Variants in GREB1L observed in about 807,000 individuals in gnomAD.
GREB1L encodes the protein GREB1 like retinoic acid receptor coactivator.
In GREB1L, 17 loss-of-function variants were observed where a neutral mutation model predicts 200.8. That is an observed-to-expected ratio of 0.08 (90% CI 0.06 to 0.13). The LOEUF (loss-of-function observed/expected upper bound fraction) is 0.13. GREB1L is among the 10% of genes least tolerant of loss of function. The probability of loss-of-function intolerance (pLI) is 1.00; values close to 1 mark genes in which losing one functional copy is unlikely to be tolerated. For missense variants in GREB1L, 1,657 were observed against 2,367.7 expected, an observed-to-expected ratio of 0.70 and a Z score of 6.23; for synonymous variants, 789 against 893.0, an observed-to-expected ratio of 0.88 and a Z score of 2.08.
At chr18:21,519,923 C>CT (rs796146497) in intron 31 of GREB1L, among the ~76,000 whole-genome samples, 9,638 of 143,756 alleles carry the variant, frequency 0.067, 874 homozygotes, top group African/African-American at 0.2. Flanking sequence ...CATGCACTGT[C>CT]TTTTTTTTTT....
intron 1 of GREB1L, among the ~76,000 whole-genome samples, chr18:21,246,885 C>A (rs986725239): frequency 6.6e-6 from 1 of 152,144 alleles, no homozygotes; most frequent in Non-Finnish European, 1.5e-5. Context: ...GAGGAAAAAT[C>A]AGAGAGAAAA....
At chr18:21,254,814 A>G (rs1244786997) in intron 1 of GREB1L, among the ~76,000 whole-genome samples, 1 of 152,130 alleles carries the variant, frequency 6.6e-6, no homozygotes, top group Non-Finnish European at 1.5e-5. Flanking sequence ...ACCCTCACAC[A>G]GCTTTGACTG....
intron 23 of GREB1L, 139 bp downstream of exon 23, chr18:21,500,781 GC>G: frequency 1.6e-6 from 1 of 641,662 alleles, no homozygotes. Flanking sequence ...AAGATAATGT[GC>G]CCAAGGCCAG....
Position 21,451,005 on chromosome 18 carries a change from C to T in GREB1L, c.1721-18C>T, listed in dbSNP as rs763840883. The T allele has an allele frequency of 6.4e-7, 1 of 1,550,804 alleles. No homozygotes were observed. On this transcript the variant is annotated intron_variant, in intron 12 of 32. Transcript: ENST00000424526. ...TTGTTCTGTTGATGAGTCTTCTCTT[C>T]TCTCCTCCATCCTGCAGGTCAGCAC...
chr18:21,507,904 G>C (rs547299904), intron 25 of GREB1L, among the ~76,000 whole-genome samples: 1 of 152,326 alleles, frequency 6.6e-6, no homozygotes, highest in East Asian at 1.9e-4. Flanking sequence ...AGGCTATGCA[G>C]GTGCAAGACG....
chr18:21,452,463 C>G (rs2034572928), intron 14 of GREB1L: 1 of 420,538 alleles, frequency 2.4e-6, no homozygotes, highest in African/African-American at 2.1e-5. Context: ...CTTAAGCACT[C>G]TCTCTTTTTT....
chr18:21,466,481 T>C (rs115354385), intron 15 of GREB1L, among the ~76,000 whole-genome samples: 2,643 of 152,090 alleles, frequency 0.017, 73 homozygotes, highest in African/African-American at 0.058. Flanking sequence ...ACAAGGGATC[T>C]GAAAATGAAA....
intron 1 of GREB1L, among the ~76,000 whole-genome samples, chr18:21,290,539 C>T (rs531832806): frequency 6.6e-6 from 1 of 152,272 alleles, no homozygotes; most frequent in East Asian, 1.9e-4. Flanking sequence ...GATAGACTAT[C>T]TCACCAGGTG....
intron 4 of GREB1L, among the ~76,000 whole-genome samples, chr18:21,385,873 G>A (rs1011621529): frequency 6.6e-6 from 1 of 152,150 alleles, no homozygotes; most frequent in African/African-American, 2.4e-5. Flanking sequence ...ATGGGAGAGA[G>A]GTTTCCATTC....
At chr18:21,388,483 T>C (rs1390835571) in intron 4 of GREB1L, among the ~76,000 whole-genome samples, 10 of 151,434 alleles carry the variant, frequency 6.6e-5, no homozygotes, top group African/African-American at 2.4e-4. Flanking sequence ...TGTTCCAGTA[T>C]CCCATCCAGG....
intron 2 of GREB1L, among the ~76,000 whole-genome samples, chr18:21,373,042 G>T (rs1168473391): frequency 2.0e-5 from 3 of 151,834 alleles, no homozygotes; most frequent in Non-Finnish European, 4.4e-5. Flanking sequence ...CAAAAGATTG[G>T]ACACCCCTGT....
intron 1 of GREB1L, among the ~76,000 whole-genome samples, chr18:21,283,327 A>G (rs571061314): frequency 3.9e-5 from 6 of 152,204 alleles, no homozygotes; most frequent in East Asian, 3.9e-4. Flanking sequence ...ATTCTGTGGG[A>G]AAAAAAATCC....
chr18:21,495,569 T>C, intron 19 of GREB1L, 101 bp from the exon 20 acceptor site: 1 of 690,092 alleles, frequency 1.4e-6, no homozygotes, highest in Non-Finnish European at 2.6e-6. Flanking sequence ...GTGGAGTAAT[T>C]TGAAAGCACA....
At chr18:21,365,928 A>G (rs946987343) in intron 1 of GREB1L, 99 bp from the exon 2 acceptor site, 3 of 152,040 alleles carry the variant, frequency 2.0e-5, no homozygotes, top group African/African-American at 7.2e-5. Flanking sequence ...TGTGATTTTC[A>G]TGGAATTATA....
intron 1 of GREB1L, among the ~76,000 whole-genome samples, chr18:21,278,844 A>G (rs1277959099): frequency 6.6e-6 from 1 of 152,206 alleles, no homozygotes; most frequent in Non-Finnish European, 1.5e-5. Flanking sequence ...TCAATGTTTC[A>G]TTAAGAAAAA....
intron 1 of GREB1L, among the ~76,000 whole-genome samples, chr18:21,247,235 T>C (rs966238632): frequency 6.6e-6 from 1 of 151,750 alleles, no homozygotes; most frequent in Non-Finnish European, 1.5e-5. Context: ...CACCCCACCC[T>C]TCAGTGCAGT....
At chr18:21,454,952 A>C in intron 15 of GREB1L, 1 of 264,310 alleles carries the variant, frequency 3.8e-6, no homozygotes, top group South Asian at 4.5e-5. Context: ...ATTCTTGGCC[A>C]TCTAGCACAT....
intron 15 of GREB1L, among the ~76,000 whole-genome samples, chr18:21,470,303 A>T (rs534756784): frequency 9.9e-5 from 15 of 152,176 alleles, no homozygotes; most frequent in African/African-American, 2.2e-4. Context: ...ATTTTTTTTT[A>T]AAAAAGGTAA....
intron 1 of GREB1L, among the ~76,000 whole-genome samples, chr18:21,270,588 C>G (rs1384528858): frequency 6.6e-6 from 1 of 152,228 alleles, no homozygotes; most frequent in Non-Finnish European, 1.5e-5. Flanking sequence ...TCATCCCGCC[C>G]TTGACTCTTA....
Sources: allele counts gnomAD v4.1 joint callset (sites outside exome capture counted in the v4.1 genomes callset), GRCh38; gene constraint gnomAD v4.1.1; transcripts MANE v1.5; gene names NCBI Gene and HGNC (gene_info 2026-07-23, HGNC 2026-07-21).